TOX: variants seen among roughly 807,000 people sequenced by gnomAD.
TOX encodes thymocyte selection-associated high mobility group box protein TOX.
In TOX, 11 loss-of-function variants were observed where a neutral mutation model predicts 53.7. That is an observed-to-expected ratio of 0.20 (90% confidence interval 0.13 to 0.34). The LOEUF (loss-of-function observed/expected upper bound fraction) is 0.34. TOX is among the 10% of genes least tolerant of loss of function. The probability of loss-of-function intolerance (pLI) is 1.00; values close to 1 mark genes in which losing one functional copy is unlikely to be tolerated. For synonymous variants in TOX, 225 were observed against 245.3 expected (o/e 0.92, Z 0.77); for missense variants, 570 against 664.6 (o/e 0.86, Z 1.56).
At position 58,868,165 on chromosome 8, in the gene TOX, C is replaced by A. The variant is rs116364725; in HGVS notation, c.412-16360G>T. Among the ~76,000 whole-genome samples, 602 of 152,238 alleles carry A rather than the reference C, an allele frequency of 4.0e-3. 5 individuals are homozygous for A. The highest frequency in any genetic ancestry group is 0.014 in the African/African-American group (572 of 41,524). On this transcript the variant is annotated intron_variant, in intron 3 of 8. Coordinates refer to ENST00000361421, the MANE Select transcript of TOX (RefSeq NM_014729.3). ...TCCTCTGCACATGCTCCCTTGACTG[C>A]CACCATGTAAGACATGCAATTGCTC...
At chr8:59,040,343 A>G (rs1430223431) in intron 1 of TOX, among the ~76,000 whole-genome samples, 1 of 151,106 alleles carries the variant, frequency 6.6e-6, no homozygotes, top group East Asian at 1.9e-4. Context: ...AAAAAAAAAA[A>G]AAAAAAAGAA....
chr8:58,940,320 A>G (rs1812415974), intron 2 of TOX, among the ~76,000 whole-genome samples: 3 of 152,116 alleles, frequency 2.0e-5, no homozygotes, highest in Admixed American at 6.5e-5. Context: ...AGTAAAATAA[A>G]TAGCATTAAC....
chr8:58,853,167 T>C (rs1810854794), intron 3 of TOX, among the ~76,000 whole-genome samples: 1 of 152,180 alleles, frequency 6.6e-6, no homozygotes, highest in South Asian at 2.1e-4. Context: ...TTCACTCCTT[T>C]AGCTCCTTTC....
At chr8:58,853,522 T>C (rs1236640679) in intron 3 of TOX, among the ~76,000 whole-genome samples, 2 of 151,922 alleles carry the variant, frequency 1.3e-5, no homozygotes, top group African/African-American at 4.8e-5. Flanking sequence ...AATGAAGGAG[T>C]GAAACCCAAA....
intron 1 of TOX, among the ~76,000 whole-genome samples, chr8:59,004,418 T>G (rs933072254): frequency 4.6e-5 from 7 of 152,220 alleles, no homozygotes; most frequent in Admixed American, 1.3e-4. Flanking sequence ...ACTATCTCAA[T>G]TTTTGTGGTT....
At chr8:58,883,850 T>G (rs1811425955) in intron 3 of TOX, among the ~76,000 whole-genome samples, 2 of 152,190 alleles carry the variant, frequency 1.3e-5, no homozygotes, top group Non-Finnish European at 1.5e-5. Context: ...TTCCACTTAA[T>G]CTACATTAAT....
At chr8:59,091,098 G>GCT (rs1804600197) in intron 1 of TOX, among the ~76,000 whole-genome samples, 1 of 151,986 alleles carries the variant, frequency 6.6e-6, no homozygotes, top group East Asian at 1.9e-4. Context: ...CTCAACTATT[G>GCT]CTCTCTCTCT....
intron 3 of TOX, among the ~76,000 whole-genome samples, chr8:58,896,250 T>A (rs1427386523): frequency 1.3e-5 from 2 of 151,888 alleles, no homozygotes; most frequent in African/African-American, 4.8e-5. Context: ...ACGCAGACAA[T>A]ACGGCAAGAG....
At chr8:58,812,646 AG>A (rs936169117) in intron 7 of TOX, among the ~76,000 whole-genome samples, 56 of 152,150 alleles carry the variant, frequency 3.7e-4, no homozygotes, top group African/African-American at 1.3e-3. Flanking sequence ...TATTTTTTTC[AG>A]GGGACCTTCG....
At chr8:59,010,156 A>G (rs59529590) in intron 1 of TOX, among the ~76,000 whole-genome samples, 1 of 152,226 alleles carries the variant, frequency 6.6e-6, no homozygotes, top group Admixed American at 6.5e-5. Flanking sequence ...CAGATGTTAA[A>G]TATTGGGCCA....
chr8:59,018,641 C>T (rs917297243), intron 1 of TOX, among the ~76,000 whole-genome samples: 3 of 152,054 alleles, frequency 2.0e-5, no homozygotes, highest in Non-Finnish European at 4.4e-5. Context: ...TGGGGTGTTC[C>T]GGAGTTTCTT....
Position 59,018,012 on chromosome 8 carries a change from C to A in TOX, c.103-58004G>T, listed in dbSNP as rs191947581. 5.3e-4 allele frequency among the ~76,000 whole-genome samples: 81 copies of A among 152,220 alleles called. 1 individual carries two copies. The highest frequency in any genetic ancestry group is 4.2e-3 in the East Asian group (22 of 5,180). Reference sequence around the variant, plus strand: ...AATGGCAAACGATAGATACAAAGCACTGTTTTTTACTCCCTGTTGCATAAA... The same window carrying A: ...AATGGCAAACGATAGATACAAAGCAATGTTTTTTACTCCCTGTTGCATAAA... On this transcript the variant is annotated intron_variant, in intron 1 of 8. Coordinates refer to ENST00000361421, the MANE Select transcript of TOX (RefSeq NM_014729.3).
chr8:59,076,077 A>C (rs1804288412), intron 1 of TOX, among the ~76,000 whole-genome samples: 1 of 152,032 alleles, frequency 6.6e-6, no homozygotes, highest in Admixed American at 6.5e-5. Flanking sequence ...AGTCAGAGAG[A>C]AGAAGGCGCT....
At chr8:58,976,004 G>A (rs7001520) in intron 1 of TOX, among the ~76,000 whole-genome samples, 12,781 of 152,056 alleles carry the variant, frequency 0.084, 683 homozygotes, top group Middle Eastern at 0.17. Flanking sequence ...CCTGGGACAC[G>A]GAGGTTGCAG....
chr8:58,839,151 C>T (rs1419979668), intron 4 of TOX, among the ~76,000 whole-genome samples: 1 of 152,188 alleles, frequency 6.6e-6, no homozygotes, highest in Non-Finnish European at 1.5e-5. Context: ...ATGGTCTAGA[C>T]CCTAGATCAG....
At chr8:59,041,965 C>T (rs559068707) in intron 1 of TOX, among the ~76,000 whole-genome samples, 1 of 152,082 alleles carries the variant, frequency 6.6e-6, no homozygotes, top group Non-Finnish European at 1.5e-5. Flanking sequence ...CATTAATGTG[C>T]CCATAGAATT....
At chr8:58,860,959 C>T (rs1811000935) in intron 3 of TOX, among the ~76,000 whole-genome samples, 2 of 152,200 alleles carry the variant, frequency 1.3e-5, no homozygotes, top group African/African-American at 2.4e-5. Flanking sequence ...TAGCGTTGCC[C>T]TTTAACTGCA....
At chr8:59,085,899 AT>A (rs1343251304) in intron 1 of TOX, among the ~76,000 whole-genome samples, 2 of 151,828 alleles carry the variant, frequency 1.3e-5, no homozygotes, top group Non-Finnish European at 2.9e-5. Context: ...TGGTTCTCCC[AT>A]TACAAATTTC....
rs151035068 is a variant in TOX at position 58,806,774 on chromosome 8, A to G, written c.*973T>C. 20 of 152,758 alleles carry G rather than the reference A, an allele frequency of 1.3e-4. No homozygotes were observed. The highest frequency in any genetic ancestry group is 2.9e-5 in the Non-Finnish European group (2 of 68,034). 9.5% of individuals were successfully genotyped at this position (152,758 alleles called of 1,614,324 possible). ...AACATCAAAGAAACCTCTTTCAAAT[A>G]CTAACAAATTTACTTACAAACACCT... On this transcript the variant is annotated 3_prime_UTR_variant, in exon 9 of 9. Coordinates refer to ENST00000361421, the MANE Select transcript of TOX (RefSeq NM_014729.3).
Sources: allele counts gnomAD v4.1 joint callset (sites outside exome capture counted in the v4.1 genomes callset), GRCh38; gene constraint gnomAD v4.1.1; transcripts MANE v1.5; gene names NCBI Gene and HGNC (gene_info 2026-07-23, HGNC 2026-07-21).